Variants in PRKCE observed in about 807,000 individuals in gnomAD.
PRKCE encodes the protein protein kinase C epsilon type.
In PRKCE, 16 loss-of-function variants were observed where a neutral mutation model predicts 85.4. The ratio of observed to expected loss-of-function variants is 0.19; its 90% CI spans 0.13 to 0.28. The LOEUF (loss-of-function observed/expected upper bound fraction) is 0.28, where lower values mean the gene tolerates loss of function less well. PRKCE is among the 10% of genes least tolerant of loss of function. The probability of loss-of-function intolerance (pLI) is 1.00; values close to 1 mark genes in which losing one functional copy is unlikely to be tolerated. For synonymous variants in PRKCE, 388 were observed against 371.5 expected (o/e 1.04, Z -0.51); for missense variants, 573 against 975.2 (o/e 0.59, Z 5.49).
chr2:45,980,927 T>C (rs185849207), intron 5 of PRKCE, among the ~76,000 whole-genome samples: 1 of 152,336 alleles, frequency 6.6e-6, no homozygotes, highest in Admixed American at 6.5e-5. Flanking sequence ...ATGAGGTAGA[T>C]GTTATTATCT....
chr2:45,785,043 C>A (rs1314683540), intron 1 of PRKCE, among the ~76,000 whole-genome samples: 1 of 152,180 alleles, frequency 6.6e-6, no homozygotes. Context: ...AGTGTCATTA[C>A]CATCTCTCTA....
chr2:45,897,370 C>T (rs28672087), intron 2 of PRKCE, among the ~76,000 whole-genome samples: 2,042 of 152,238 alleles, frequency 0.013, 39 homozygotes, highest in African/African-American at 0.046. Flanking sequence ...CTGTGAGAGA[C>T]GGCATCATTG....
intron 2 of PRKCE, among the ~76,000 whole-genome samples, chr2:45,870,765 A>G (rs1320360347): frequency 2.0e-5 from 3 of 152,178 alleles, no homozygotes; most frequent in African/African-American, 7.2e-5. Context: ...AATGGTTCTA[A>G]ATATGGATTT....
chr2:46,020,097 G>A (rs970341210), intron 10 of PRKCE, among the ~76,000 whole-genome samples: 1 of 152,094 alleles, frequency 6.6e-6, no homozygotes, highest in African/African-American at 2.4e-5. Context: ...TGATCCGCCT[G>A]CCTCGGCCTT....
At chr2:45,877,361 A>T (rs1404539957) in intron 2 of PRKCE, among the ~76,000 whole-genome samples, 1 of 152,100 alleles carries the variant, frequency 6.6e-6, no homozygotes, top group African/African-American at 2.4e-5. Flanking sequence ...ATCTTTCAAA[A>T]GTTCGTTATC....
In PRKCE at chr2:46,185,024, C is replaced by T. The variant is rs1178492864; in HGVS notation, c.*143C>T. On this transcript the variant is annotated 3_prime_UTR_variant, in exon 15 of 15. Transcript: ENST00000306156. This position sits in a 1 kb window ranked among gnomAD's most constrained non-coding sequence, Gnocchi z 4.7. Reference sequence around the variant, plus strand: ...GTCCACTGTCTATTTATTGCATTCCCTTGCCCCAGGCCACCTCCTCCCCCT... The same window carrying T: ...GTCCACTGTCTATTTATTGCATTCCTTTGCCCCAGGCCACCTCCTCCCCCT... 3 of 1,199,966 alleles carry T rather than the reference C, an allele frequency of 2.5e-6. No homozygotes were observed. The highest frequency in any genetic ancestry group is 4.8e-5 in the East Asian group (2 of 41,544). 74.3% of individuals were successfully genotyped at this position (1,199,966 alleles called of 1,614,324 possible).
intron 11 of PRKCE, among the ~76,000 whole-genome samples, chr2:46,111,101 T>C (rs541934342): frequency 2.0e-5 from 3 of 152,332 alleles, no homozygotes; most frequent in South Asian, 2.1e-4. Flanking sequence ...TTTTCTGGTC[T>C]GGATGTGATC....
chr2:45,764,842 A>T (rs1415566288), intron 1 of PRKCE, among the ~76,000 whole-genome samples: 1 of 152,226 alleles, frequency 6.6e-6, no homozygotes, highest in Non-Finnish European at 1.5e-5. Flanking sequence ...TAAAATCAAC[A>T]TATATTAAAA....
intron 10 of PRKCE, chr2:46,078,104 CAAT>C (rs1668714683): frequency 6.6e-6 from 1 of 152,062 alleles, no homozygotes; most frequent in South Asian, 2.1e-4. Flanking sequence ...TTTTCAAAGA[CAAT>C]AAAACATTTT....
chr2:45,905,938 A>T lies in PRKCE; in HGVS notation c.412+62875A>T, dbSNP rs1186354688. On this transcript the variant is annotated intron_variant, in intron 2 of 14. Transcript: ENST00000306156. This position sits in a 1 kb window ranked among gnomAD's most constrained non-coding sequence, Gnocchi z 4.4. ...TGTGCGGGGTATGGTGTCTGCCCAC[A>T]TGAAGGGCCGGGGTGGGCAGGCTAT... 1.3e-5 allele frequency among the ~76,000 whole-genome samples: 2 copies of T among 152,146 alleles called. No individual in the cohort carries two copies. The highest frequency in any genetic ancestry group is 2.9e-5 in the Non-Finnish European group (2 of 68,014).
At chr2:46,059,396 A>G (rs1337852284) in intron 10 of PRKCE, among the ~76,000 whole-genome samples, 1 of 152,190 alleles carries the variant, frequency 6.6e-6, no homozygotes, top group East Asian at 1.9e-4. Flanking sequence ...ATCACTACAT[A>G]CAGTGGCCTC....
intron 2 of PRKCE, among the ~76,000 whole-genome samples, chr2:45,857,389 A>T (rs566864411): frequency 4.6e-5 from 7 of 152,338 alleles, no homozygotes; most frequent in South Asian, 4.1e-4. Context: ...GAGAGTTTTT[A>T]AAAAATGTTC....
Position 46,064,794 on chromosome 2 carries a change from G to A in PRKCE, c.1438-21414G>A, listed in dbSNP as rs1229898002. On this transcript the variant is annotated intron_variant, in intron 10 of 14. Coordinates refer to ENST00000306156, the MANE Select transcript of PRKCE (RefSeq NM_005400.3). ...GTAATTCTCTTGGGCTCTTTCTGGG[G>A]GATTCTTAGTCTTATAGAATTTTGC... Among the ~76,000 whole-genome samples, 11 of 152,144 alleles carry A rather than the reference G, an allele frequency of 7.2e-5. No individual in the cohort carries two copies. The East Asian group carries it at 2.1e-3, about 29-fold the overall frequency.
At chr2:46,107,503 G>A (rs1207057042) in intron 11 of PRKCE, among the ~76,000 whole-genome samples, 1 of 152,174 alleles carries the variant, frequency 6.6e-6, no homozygotes, top group African/African-American at 2.4e-5. Flanking sequence ...ATGATTATGA[G>A]TAAAGCTACT....
intron 2 of PRKCE, among the ~76,000 whole-genome samples, chr2:45,975,206 T>G (rs922662239): frequency 1.3e-5 from 2 of 152,194 alleles, no homozygotes; most frequent in African/African-American, 4.8e-5. Context: ...TTTCGAGGGT[T>G]CATTGAGATG....
chr2:46,097,381 G>T (rs973832341), intron 11 of PRKCE, among the ~76,000 whole-genome samples: 1 of 152,058 alleles, frequency 6.6e-6, no homozygotes, highest in Non-Finnish European at 1.5e-5. Flanking sequence ...TTAGCCGGGC[G>T]TGGTGGCGGG....
intron 2 of PRKCE, among the ~76,000 whole-genome samples, chr2:45,973,058 A>G (rs947892807): frequency 2.6e-5 from 4 of 152,240 alleles, no homozygotes; most frequent in Admixed American, 6.5e-5. Flanking sequence ...AAACAGACAT[A>G]TAGACGAGTG....
intron 2 of PRKCE, among the ~76,000 whole-genome samples, chr2:45,964,117 C>T (rs1480619331): frequency 6.6e-6 from 1 of 152,226 alleles, no homozygotes; most frequent in South Asian, 2.1e-4. Flanking sequence ...TTTAGGGTTG[C>T]AGTGCCTATG....
rs569651784 is a variant in PRKCE, at chr2:45,958,816, ATTTTTTTTTTTTTTT to A, written c.413-17588_413-17574del. Among the ~76,000 whole-genome samples the A allele has an allele frequency of 7.7e-3, 140 of 18,108 alleles. 5 individuals are homozygous for A. The highest frequency in any genetic ancestry group is 0.019 in the African/African-American group (93 of 5,026). The allele number at this position is 18,108 out of a possible 152,430, so 11.9% of individuals were successfully genotyped here. A position where few individuals can be genotyped will look rare whatever the true frequency, so the allele number is the denominator to read the frequency against. On this transcript the variant is annotated intron_variant, in intron 2 of 14. Coordinates refer to ENST00000306156, the MANE Select transcript of PRKCE (RefSeq NM_005400.3). ...CATATATATATATATATATATATAT[ATTTTTTTTTTTTTTT>A]TTTTTTTTTTTTTTTTTTTTTTTTA...
Sources: allele counts gnomAD v4.1 joint callset (sites outside exome capture counted in the v4.1 genomes callset), GRCh38; gene constraint gnomAD v4.1.1; non-coding constraint Gnocchi (gnomAD v3.1); transcripts MANE v1.5; gene names NCBI Gene and HGNC (gene_info 2026-07-23, HGNC 2026-07-21).